FOXK2: variants seen among roughly 807,000 people sequenced by gnomAD.
FOXK2 encodes forkhead box protein K2.
Under a neutral mutation model 53.3 loss-of-function variants are expected in FOXK2, and 24 were observed. The observed-to-expected ratio is 0.45, with a 90% CI of 0.33 to 0.63. FOXK2 has a LOEUF of 0.63. Ranked by LOEUF, FOXK2 falls within the 30% of genes least tolerant of loss-of-function variation. The pLI, the probability that FOXK2 is intolerant of heterozygous loss-of-function variation, is 0.03. For missense variants in FOXK2, 952 were observed against 910.5 expected (o/e 1.05, Z -0.59); for synonymous variants, 505 against 407.1 (o/e 1.24, Z -2.89).
intron 2 of FOXK2, among the ~76,000 whole-genome samples, chr17:82,565,322 C>CT (rs2044841432): frequency 1.3e-5 from 2 of 152,082 alleles, no homozygotes; most frequent in African/African-American, 4.8e-5. Context: ...ACAAATTGAA[C>CT]TTCTTGAAAA....
At chr17:82,543,172 C>T (rs1470626659) in intron 1 of FOXK2, among the ~76,000 whole-genome samples, 1 of 116,462 alleles carries the variant, frequency 8.6e-6, no homozygotes, top group Non-Finnish European at 1.9e-5. Context: ...AAACTGTTAT[C>T]TAAATCCACA....
chr17:82,585,519 A>G (rs1040497673), intron 6 of FOXK2, among the ~76,000 whole-genome samples: 1 of 152,064 alleles, frequency 6.6e-6, no homozygotes, highest in African/African-American at 2.4e-5. Context: ...GGGTCTCCCT[A>G]TGCCCAGGCT....
At chr17:82,584,315 G>T in intron 6 of FOXK2, 127 bp downstream of exon 6, 2 of 968,402 alleles carry the variant, frequency 2.1e-6, no homozygotes, top group Non-Finnish European at 2.8e-6. Flanking sequence ...ACTAGTACCT[G>T]ATTTTATAGG....
chr17:82,584,384 C>T (rs900354774), intron 6 of FOXK2, among the ~76,000 whole-genome samples, 196 bp downstream of exon 6: 13 of 152,018 alleles, frequency 8.6e-5, no homozygotes, highest in African/African-American at 1.4e-4. Context: ...GTTCTTTAAA[C>T]GACACTGAGT....
At position 82,586,010 on chromosome 17, in the gene FOXK2, C is replaced by A; in HGVS notation, c.1386C>A (p.Thr462=). The A allele has an allele frequency of 3.7e-6, 6 of 1,612,838 alleles. No individual in the cohort carries two copies. Among genetic ancestry groups the A allele is most frequent in the Non-Finnish European group, 5.1e-6 (6 of 1,179,980 alleles). ...TGGCCACCCCAGTGACCACCTCGAC[C>A]TCCCAGCCACCCGTCGTGCAGACGG... ...YTVATPVTTS[T]SQPPVVQTVH... Residue 462 remains threonine, a synonymous_variant, in exon 7 of 9, where the codon ACC becomes ACA. Transcript: ENST00000335255.
intron 1 of FOXK2, among the ~76,000 whole-genome samples, chr17:82,531,575 G>A (rs1030104539): frequency 9.9e-5 from 15 of 152,102 alleles, no homozygotes; most frequent in African/African-American, 2.9e-4. Flanking sequence ...ATCCTGTTGC[G>A]CCTACAGCCA....
At chr17:82,597,545 G>T (rs2045327602) in intron 8 of FOXK2, among the ~76,000 whole-genome samples, 1 of 152,234 alleles carries the variant, frequency 6.6e-6, no homozygotes, top group South Asian at 2.1e-4. Context: ...CCCCTCTGCT[G>T]TTACAGGGCT....
At chr17:82,537,643 G>T (rs973006968) in intron 1 of FOXK2, among the ~76,000 whole-genome samples, 4 of 120,808 alleles carry the variant, frequency 3.3e-5, no homozygotes, top group South Asian at 2.7e-4. Flanking sequence ...AAAAAAAAAA[G>T]GCCAGGCACA....
rs777305541 is a variant in FOXK2 at position 82,601,464 on chromosome 17, C to T, written c.1948C>T (p.Pro650Ser). Residue 650 changes from proline to serine, a missense_variant, in exon 9 of 9, where the codon CCG (proline) becomes TCG (serine). This residue lies in a region of FOXK2 where 551 missense variants were observed against 385.1 expected (regional missense o/e 1.43). Transcript: ENST00000335255. ...IVIALSVDTP[P>S]AAVREKGVQN ...CATTGCCCTGAGCGTGGACACGCCA[C>T]CGGCAGCCGTAAGGGAAAAGGGTGT... 3 of 1,611,386 alleles carry T rather than the reference C, an allele frequency of 1.9e-6. No individual in the cohort carries two copies. Among genetic ancestry groups the T allele is most frequent in the Non-Finnish European group, 2.5e-6 (3 of 1,179,188 alleles).
At chr17:82,525,658 A>G (rs1275024263) in intron 1 of FOXK2, among the ~76,000 whole-genome samples, 2 of 152,218 alleles carry the variant, frequency 1.3e-5, no homozygotes, top group African/African-American at 4.8e-5. Context: ...AGTTGTTTAT[A>G]CTTTGAAAAT....
Position 82,568,037 on chromosome 17 carries a change from C to T in FOXK2, c.615-17C>T, listed in dbSNP as rs1375385211. The T allele has an allele frequency of 1.3e-6, 2 of 1,571,198 alleles. No individual in the cohort carries two copies. Among genetic ancestry groups the T allele is most frequent in the Non-Finnish European group, 1.7e-6 (2 of 1,162,738 alleles). ...CACTGTGATAGACTAATAGGAACAA[C>T]TTTTTCTCTTCCACAGCGCTGCAAA... is the stretch of plus-strand genomic sequence containing the variant. On this transcript the variant is annotated splice_polypyrimidine_tract_variant and intron_variant, in intron 2 of 8. Transcript: ENST00000335255.
intron 2 of FOXK2, among the ~76,000 whole-genome samples, chr17:82,563,750 C>CT (rs1567975420): frequency 0.089 from 8,389 of 94,518 alleles, 808 homozygotes; most frequent in African/African-American, 0.23. Flanking sequence ...TTACTCATTC[C>CT]CTTTTTTTTT....
At chr17:82,541,117 T>TG (rs1050740451) in intron 1 of FOXK2, among the ~76,000 whole-genome samples, 2 of 152,094 alleles carry the variant, frequency 1.3e-5, no homozygotes, top group African/African-American at 4.8e-5. Context: ...GTTCTGCTGA[T>TG]GGATTCACCT....
chr17:82,574,681 C>T (rs1043311189), intron 4 of FOXK2, among the ~76,000 whole-genome samples: 2 of 152,224 alleles, frequency 1.3e-5, no homozygotes, highest in African/African-American at 4.8e-5. Context: ...TACTGACCCT[C>T]ACGGGCTCTT....
intron 1 of FOXK2, among the ~76,000 whole-genome samples, chr17:82,546,114 GTTT>G (rs531735206): frequency 9.8e-6 from 1 of 101,716 alleles, no homozygotes; most frequent in African/African-American, 3.9e-5. Flanking sequence ...AGCATGGTTG[GTTT>G]TTTTTTTTTT....
chr17:82,578,272 G>C (rs1354578948), intron 4 of FOXK2: 1 of 152,330 alleles, frequency 6.6e-6, no homozygotes, highest in Non-Finnish European at 1.5e-5. Context: ...AAGGCTGCAG[G>C]AAGGCACAGA....
intron 1 of FOXK2, among the ~76,000 whole-genome samples, chr17:82,538,276 C>T (rs780594865): frequency 2.6e-5 from 4 of 151,446 alleles, no homozygotes; most frequent in Non-Finnish European, 4.4e-5. Context: ...TTGCTGGAGG[C>T]CAGGAGTTCG....
At chr17:82,564,734 G>GA (rs781429737) in intron 2 of FOXK2, among the ~76,000 whole-genome samples, 2 of 138,072 alleles carry the variant, frequency 1.4e-5, no homozygotes, top group East Asian at 4.2e-4. Flanking sequence ...TAGTCAAATG[G>GA]TTTTTTTTTT....
At position 82,604,532 on chromosome 17, in the gene FOXK2, G is replaced by T. The variant is rs753790297; in HGVS notation, c.*3033G>T. On this transcript the variant is annotated 3_prime_UTR_variant, in exon 9 of 9. Transcript: ENST00000335255. ...TCTAGAAAGTATAGTGGTGATTTGT[G>T]TGCAAAGATTTGAAGTTTTAAAAAA... The T allele has an allele frequency of 5.2e-5, 8 of 152,588 alleles. No homozygotes were observed. The highest frequency in any genetic ancestry group is 8.8e-5 in the Non-Finnish European group (6 of 68,034). The allele number at this position is 152,588 out of a possible 1,614,324, so 9.5% of individuals were successfully genotyped here.
Sources: allele counts gnomAD v4.1 joint callset (sites outside exome capture counted in the v4.1 genomes callset), GRCh38; gene constraint gnomAD v4.1.1; regional missense constraint gnomAD v4.1.1; transcripts MANE v1.5; gene names NCBI Gene and HGNC (gene_info 2026-07-23, HGNC 2026-07-21).